The following LUZP2 variants were observed in gnomAD, a reference collection of about 807,000 sequenced individuals.
The protein encoded by LUZP2 is leucine zipper protein 2.
LUZP2 carries 52 observed loss-of-function variants against 51.6 expected under a neutral mutation model. The ratio of observed to expected loss-of-function variants is 1.01; its 90% CI spans 0.81 to 1.27. The LOEUF is 1.27. Among genes scored for constraint, LUZP2 ranks in the 50% most tolerant of loss-of-function variants. The pLI is 0.00. For synonymous variants in LUZP2, 154 were observed against 137.3 expected, an observed-to-expected ratio of 1.12 and a Z score of -0.85; for missense variants, 436 against 395.4, an observed-to-expected ratio of 1.10 and a Z score of -0.87.
intron 5 of LUZP2, among the ~76,000 whole-genome samples, chr11:24,772,595 C>A (rs1207857282): frequency 1.3e-5 from 2 of 152,126 alleles, no homozygotes; most frequent in East Asian, 3.9e-4. Flanking sequence ...TCGTATCCAG[C>A]ATGTGAAGCT....
intron 5 of LUZP2, among the ~76,000 whole-genome samples, chr11:24,857,330 C>CACACACAT (rs1851601942): frequency 2.8e-5 from 2 of 70,380 alleles, no homozygotes; most frequent in African/African-American, 1.1e-4. Flanking sequence ...CACACACACA[C>CACACACAT]ATATATATAT....
intron 1 of LUZP2, among the ~76,000 whole-genome samples, chr11:24,590,254 A>G (rs1445306978): frequency 1.3e-5 from 2 of 152,130 alleles, no homozygotes; most frequent in African/African-American, 4.8e-5. Flanking sequence ...AATGCCTATC[A>G]AGTATAGGGT....
Position 24,618,976 on chromosome 11 carries a change from A to G in LUZP2, c.63-110193A>G, listed in dbSNP as rs566639890. On this transcript the variant is annotated intron_variant, in intron 1 of 11. Coordinates refer to ENST00000336930, the MANE Select transcript of LUZP2 (RefSeq NM_001009909.4). ...CTATATTACTGAAAAATTCTTATGT[A>G]TTTATTTTTGTAATTCTAACCACTT... 9.9e-5 allele frequency among the ~76,000 whole-genome samples: 15 copies of G among 151,878 alleles called. 2 individuals carry two copies. In the South Asian group the frequency reaches 2.9e-3, roughly 29 times the overall value.
chr11:24,688,474 A>C (rs938977348), intron 1 of LUZP2, among the ~76,000 whole-genome samples: 1 of 152,134 alleles, frequency 6.6e-6, no homozygotes, highest in African/African-American at 2.4e-5. Context: ...TTGGAGTTCA[A>C]GTAGACATTT....
chr11:24,765,976 GTC>G lies in LUZP2; in HGVS notation c.396+2670_396+2671del, dbSNP rs1205412201. Among the ~76,000 whole-genome samples the G allele has an allele frequency of 2.0e-5, 3 of 152,024 alleles. No individual in the cohort carries two copies. The East Asian group carries it at 5.8e-4, about 29-fold the overall frequency. ...GGGTTTCTCTATGTTGCCCAGGTGG[GTC>G]TTGCATTCTTGGGCTCAAGAAATCC... is the stretch of plus-strand genomic sequence containing the variant. On this transcript the variant is annotated intron_variant, in intron 5 of 11. Transcript: ENST00000336930.
chr11:24,883,568 C>T (rs1047615365), intron 5 of LUZP2, among the ~76,000 whole-genome samples: 1 of 151,928 alleles, frequency 6.6e-6, no homozygotes, highest in Non-Finnish European at 1.5e-5. Flanking sequence ...ATGAAATTTT[C>T]GTTAGCAATA....
chr11:24,817,653 C>T (rs183265456), intron 5 of LUZP2, among the ~76,000 whole-genome samples: 29 of 152,042 alleles, frequency 1.9e-4, no homozygotes, highest in Non-Finnish European at 2.5e-4. Context: ...TTACTTTCCT[C>T]GAAGTAGATG....
intron 1 of LUZP2, among the ~76,000 whole-genome samples, chr11:24,660,427 C>T (rs1855978786): frequency 6.6e-6 from 1 of 152,062 alleles, no homozygotes; most frequent in Non-Finnish European, 1.5e-5. Context: ...AATGAAGTCA[C>T]AAGAACTTTT....
chr11:24,707,632 G>T (rs111551998), intron 1 of LUZP2, among the ~76,000 whole-genome samples: 25 of 152,070 alleles, frequency 1.6e-4, no homozygotes, highest in African/African-American at 5.3e-4. Context: ...AGAAGTACCA[G>T]AGTCCAAGGG....
intron 1 of LUZP2, among the ~76,000 whole-genome samples, chr11:24,728,384 A>T (rs1858572766): frequency 6.6e-6 from 1 of 151,986 alleles, no homozygotes. Flanking sequence ...GTTTTGCTGA[A>T]ATCAATCCAA....
chr11:24,497,499 C>T (rs934698557), intron 1 of LUZP2, among the ~76,000 whole-genome samples, 194 bp downstream of exon 1: 8 of 152,202 alleles, frequency 5.3e-5, no homozygotes, highest in Non-Finnish European at 1.0e-4. Context: ...TCCCAGCCCC[C>T]TGGAGAAAGT....
intron 5 of LUZP2, among the ~76,000 whole-genome samples, chr11:24,774,362 C>CTCTCTCTCTATATATA (rs776739280): frequency 8.3e-4 from 63 of 76,320 alleles, no homozygotes; most frequent in East Asian, 3.9e-3. Context: ...CTCTCTCTCT[C>CTCTCTCTCTATATATA]TATATATATA....
At chr11:24,534,733 T>C (rs1851119455) in intron 1 of LUZP2, among the ~76,000 whole-genome samples, 1 of 151,492 alleles carries the variant, frequency 6.6e-6, no homozygotes, top group Non-Finnish European at 1.5e-5. Context: ...AGGAAGAGAA[T>C]TTTCTACAGC....
intron 7 of LUZP2, among the ~76,000 whole-genome samples, chr11:24,937,856 G>C (rs967682366): frequency 6.6e-6 from 1 of 150,856 alleles, no homozygotes; most frequent in South Asian, 2.1e-4. Context: ...AGCCGAGATC[G>C]TGCCACTGCA....
At chr11:25,032,461 A>G (rs1487633752) in intron 9 of LUZP2, among the ~76,000 whole-genome samples, 2 of 152,120 alleles carry the variant, frequency 1.3e-5, no homozygotes, top group Non-Finnish European at 2.9e-5. Flanking sequence ...TTTTAGTATT[A>G]TTGACATGAA....
At chr11:24,854,351 C>T (rs1851486469) in intron 5 of LUZP2, among the ~76,000 whole-genome samples, 1 of 152,242 alleles carries the variant, frequency 6.6e-6, no homozygotes, top group Admixed American at 6.5e-5. Context: ...GGCAGTCTGG[C>T]TACAGCAGCT....
chr11:25,068,781 A>T (rs1307553543), intron 10 of LUZP2, among the ~76,000 whole-genome samples: 1 of 151,948 alleles, frequency 6.6e-6, no homozygotes, highest in African/African-American at 2.4e-5. Context: ...GCTACCTCAG[A>T]GTTCTTGAAC....
At chr11:24,705,554 T>C (rs962172091) in intron 1 of LUZP2, among the ~76,000 whole-genome samples, 3 of 152,190 alleles carry the variant, frequency 2.0e-5, no homozygotes, top group African/African-American at 7.2e-5. Flanking sequence ...CTGTGCCTGT[T>C]GAAAACCACC....
At chr11:25,029,370 A>G (rs1857582106) in intron 9 of LUZP2, among the ~76,000 whole-genome samples, 2 of 152,120 alleles carry the variant, frequency 1.3e-5, no homozygotes, top group African/African-American at 4.8e-5. Flanking sequence ...GTACCCACAC[A>G]ATTTTTAAAA....
Sources: allele counts gnomAD v4.1 joint callset (sites outside exome capture counted in the v4.1 genomes callset), GRCh38; gene constraint gnomAD v4.1.1; transcripts MANE v1.5; gene names NCBI Gene and HGNC (gene_info 2026-07-23, HGNC 2026-07-21).